KBTBD11: variants seen among roughly 807,000 people sequenced by gnomAD.
The protein encoded by KBTBD11 is kelch repeat and BTB domain-containing protein 11.
For missense variants in KBTBD11, 1,390 were observed against 1,001.8 expected (o/e 1.39, Z -5.23); for synonymous variants, 747 against 499.0 (o/e 1.50, Z -6.63).
intron 1 of KBTBD11, among the ~76,000 whole-genome samples, chr8:1,988,735 C>T (rs192891432): frequency 7.2e-4 from 110 of 152,342 alleles, no homozygotes; most frequent in African/African-American, 2.5e-3. Flanking sequence ...GCTTGAGCCC[C>T]ATGGGGCTGG....
At chr8:1,980,420 T>A (rs774032710) in intron 1 of KBTBD11, among the ~76,000 whole-genome samples, 1 of 152,042 alleles carries the variant, frequency 6.6e-6, no homozygotes, top group Non-Finnish European at 1.5e-5. Context: ...ACAGATGGGG[T>A]TTCACCATGT....
chr8:2,000,969 C>T lies in KBTBD11; in HGVS notation c.-224C>T. On this transcript the variant is annotated 5_prime_UTR_variant, in exon 2 of 2. Coordinates refer to ENST00000320248, the MANE Select transcript of KBTBD11 (RefSeq NM_014867.3). ...CAGAAGTTCAGCAAGTCGGACACAC[C>T]CCTCCTCGCTGGAGAGGAGAGGGCA... 2.1e-6 allele frequency: 1 copy of T among 467,262 alleles called. No homozygotes were observed. The highest frequency in any genetic ancestry group is 3.4e-6 in the Non-Finnish European group (1 of 290,330). The allele number at this position is 467,262 out of a possible 1,614,324, so 28.9% of individuals were successfully genotyped here.
chr8:1,994,190 C>G (rs916216756), intron 1 of KBTBD11, among the ~76,000 whole-genome samples: 2 of 152,180 alleles, frequency 1.3e-5, no homozygotes, highest in Non-Finnish European at 2.9e-5. Context: ...GGAGATTCAG[C>G]CTACTGTTAT....
At chr8:1,998,784 T>C (rs545912957) in intron 1 of KBTBD11, among the ~76,000 whole-genome samples, 14 of 136,220 alleles carry the variant, frequency 1.0e-4, no homozygotes, top group South Asian at 8.6e-4. Flanking sequence ...GCTCTCTCTC[T>C]CCTTTGCATG....
At chr8:1,978,956 C>A (rs1187044133) in intron 1 of KBTBD11, among the ~76,000 whole-genome samples, 2 of 152,190 alleles carry the variant, frequency 1.3e-5, no homozygotes, top group Admixed American at 6.5e-5. Context: ...ATGAGAGACC[C>A]ACCCCCAGCC....
At chr8:1,991,510 C>G (rs1816915448) in intron 1 of KBTBD11, among the ~76,000 whole-genome samples, 1 of 152,226 alleles carries the variant, frequency 6.6e-6, no homozygotes, top group Admixed American at 6.5e-5. Context: ...TTTTCTTCTG[C>G]TGGAGATAAT....
chr8:1,974,277 G>A (rs1816240012), intron 1 of KBTBD11: 1 of 982,334 alleles, frequency 1.0e-6, no homozygotes, highest in Non-Finnish European at 1.2e-6. Flanking sequence ...CCCTCCCCCG[G>A]GACGCGGCAA....
intron 1 of KBTBD11, among the ~76,000 whole-genome samples, chr8:1,985,960 T>A (rs1000578908): frequency 2.0e-5 from 3 of 152,258 alleles, no homozygotes; most frequent in Non-Finnish European, 4.4e-5. Flanking sequence ...CACTCCCGCG[T>A]GGCAATTGCA....
chr8:1,973,680 C>A lies in KBTBD11; in HGVS notation c.-1164C>A, dbSNP rs1437422470. 3.2e-5 allele frequency: 31 copies of A among 982,706 alleles called. 1 individual carries two copies. The highest frequency in any genetic ancestry group is 3.7e-5 in the Non-Finnish European group (31 of 828,370). The allele number at this position is 982,706 out of a possible 1,614,324, so 60.9% of individuals were successfully genotyped here. On this transcript the variant is annotated 5_prime_UTR_variant, in exon 1 of 2. Transcript: ENST00000320248. ...GCACGCGCCCGCCCCCCTCCCCGCG[C>A]CCCGCGCGCGCCCCTCGCAGCCTGG...
intron 1 of KBTBD11, chr8:1,975,361 A>G (rs776617225): frequency 1.3e-5 from 2 of 152,268 alleles, no homozygotes; most frequent in African/African-American, 2.4e-5. Context: ...GTTCGGATCA[A>G]TTACAGACCG....
intron 1 of KBTBD11, among the ~76,000 whole-genome samples, chr8:1,999,151 C>T (rs1266795720): frequency 6.6e-6 from 1 of 152,130 alleles, no homozygotes; most frequent in Admixed American, 6.5e-5. Context: ...ATCTGGAAGA[C>T]AGAGGGAGAG....
At chr8:1,977,678 C>G (rs891979519) in intron 1 of KBTBD11, among the ~76,000 whole-genome samples, 1 of 134,082 alleles carries the variant, frequency 7.5e-6, no homozygotes, top group Non-Finnish European at 1.6e-5. Context: ...CGCCCTCCAG[C>G]ACACCCAACT....
chr8:1,974,145 G>A (rs1211494086), intron 1 of KBTBD11, among the ~76,000 whole-genome samples: 2 of 124,850 alleles, frequency 1.6e-5, no homozygotes, highest in African/African-American at 3.0e-5. Context: ...GAGGGGAGGG[G>A]GGACCGGGAG....
intron 1 of KBTBD11, among the ~76,000 whole-genome samples, chr8:1,995,720 C>A (rs1817111849): frequency 1.3e-5 from 2 of 152,138 alleles, no homozygotes; most frequent in South Asian, 4.1e-4. Context: ...TGAACCAATA[C>A]ATTGAATCAA....
intron 1 of KBTBD11, among the ~76,000 whole-genome samples, chr8:1,987,029 A>C (rs1224026413): frequency 1.4e-5 from 2 of 145,896 alleles, no homozygotes; most frequent in Non-Finnish European, 3.1e-5. Flanking sequence ...AAAAAAAAAA[A>C]AAAACCACGC....
In KBTBD11 at chr8:1,977,496, C is replaced by T. The variant is rs144884948; in HGVS notation, c.-909+3561C>T. On this transcript the variant is annotated intron_variant, in intron 1 of 1. Transcript: ENST00000320248. ...CACATCCTCTCTTTGAACAGGTCCTCCTGCAGTAGTCAGAACAATGATTTT... is the reference window on the plus strand; with the variant it reads ...CACATCCTCTCTTTGAACAGGTCCTTCTGCAGTAGTCAGAACAATGATTTT... Among the ~76,000 whole-genome samples the T allele has an allele frequency of 4.4e-3, 672 of 152,094 alleles. 8 individuals carry two copies. Among genetic ancestry groups the T allele is most frequent in the African/African-American group, 0.016 (647 of 41,456 alleles).
In KBTBD11 at chr8:2,002,902, C is replaced by G; in HGVS notation, c.1710C>G (p.Thr570=). ...TCTACTGCGTGAGCCGCGCGGGCAC[C>G]TGGCGCTTCCAGCCTGCCCGGGAAG... The part of the protein sequence containing the change: ...GAIYCVSRAG[T]WRFQPAREGE... Residue 570 remains threonine (T), a synonymous_variant, in exon 2 of 2, where the codon ACC becomes ACG. Transcript: ENST00000320248. The surrounding 1 kb of genome is among the most constrained non-coding windows in gnomAD (Gnocchi z 4.1). 7.6e-7 allele frequency: 1 copy of G among 1,321,956 alleles called. No homozygotes were observed. The highest frequency in any genetic ancestry group is 9.6e-7 in the Non-Finnish European group (1 of 1,039,896). 81.9% of individuals were successfully genotyped at this position (1,321,956 alleles called of 1,614,324 possible). A position where few individuals can be genotyped will look rare whatever the true frequency, so the allele number is the denominator to read the frequency against.
chr8:1,998,338 C>G (rs1054963096), intron 1 of KBTBD11, among the ~76,000 whole-genome samples: 1 of 152,204 alleles, frequency 6.6e-6, no homozygotes, highest in East Asian at 1.9e-4. Context: ...GTGTCTGTTT[C>G]ATCATGGAGA....
intron 1 of KBTBD11, among the ~76,000 whole-genome samples, chr8:1,987,307 C>T (rs1363871171): frequency 2.6e-5 from 4 of 152,152 alleles, no homozygotes; most frequent in Non-Finnish European, 5.9e-5. Context: ...GAAATTGACT[C>T]ACGTTGAGAC....
Sources: allele counts gnomAD v4.1 joint callset (sites outside exome capture counted in the v4.1 genomes callset), GRCh38; gene constraint gnomAD v4.1.1; non-coding constraint Gnocchi (gnomAD v3.1); transcripts MANE v1.5; gene names NCBI Gene and HGNC (gene_info 2026-07-23, HGNC 2026-07-21).